Variants in PPM1E observed in about 807,000 individuals in gnomAD.
PPM1E encodes the protein protein phosphatase, Mg2+/Mn2+ dependent 1E.
Under a neutral mutation model 65.9 loss-of-function variants are expected in PPM1E, and 20 were observed. That is an observed-to-expected ratio of 0.30 (90% CI 0.21 to 0.44). The LOEUF is 0.44. Ranked by LOEUF, PPM1E falls within the 20% of genes least tolerant of loss-of-function variation. The probability of loss-of-function intolerance (pLI) is 1.00; values close to 1 mark genes in which losing one functional copy is unlikely to be tolerated. For missense variants in PPM1E, 713 were observed against 953.1 expected, an observed-to-expected ratio of 0.75 and a Z score of 3.32; for synonymous variants, 352 against 374.9, an observed-to-expected ratio of 0.94 and a Z score of 0.70.
chr17:58,895,526 G>A (rs1356962655), intron 1 of PPM1E, among the ~76,000 whole-genome samples: 1 of 152,062 alleles, frequency 6.6e-6, no homozygotes, highest in African/African-American at 2.4e-5. Flanking sequence ...AGTGAAACAG[G>A]CCCTGTGTGA....
chr17:58,976,110 C>T (rs770698972), intron 6 of PPM1E, among the ~76,000 whole-genome samples: 2 of 151,872 alleles, frequency 1.3e-5, no homozygotes, highest in African/African-American at 2.4e-5. Flanking sequence ...ATTTTTAGGA[C>T]GAGGAGATTT....
At chr17:58,956,967 G>T (rs185692999) in intron 2 of PPM1E, among the ~76,000 whole-genome samples, 46 of 152,268 alleles carry the variant, frequency 3.0e-4, no homozygotes, top group African/African-American at 1.0e-3. Context: ...TACTCTTCTT[G>T]TTTTTACTGA....
intron 1 of PPM1E, among the ~76,000 whole-genome samples, chr17:58,933,897 C>T (rs2051939732): frequency 6.6e-6 from 1 of 151,794 alleles, no homozygotes; most frequent in Non-Finnish European, 1.5e-5. Context: ...GAGTTCAAGA[C>T]CAGCCTGGCC....
chr17:58,871,374 C>A (rs1271718985), intron 1 of PPM1E, among the ~76,000 whole-genome samples: 1 of 152,156 alleles, frequency 6.6e-6, no homozygotes, highest in Admixed American at 6.6e-5. Context: ...TCCTGTAAGA[C>A]TGTTTCATGT....
intron 1 of PPM1E, among the ~76,000 whole-genome samples, chr17:58,873,564 A>G (rs1340576946): frequency 7.9e-6 from 1 of 127,086 alleles, no homozygotes; most frequent in Non-Finnish European, 1.6e-5. Context: ...AAATGCTCAT[A>G]GTATTATTAT....
At chr17:58,794,890 T>G (rs1026180228) in intron 1 of PPM1E, among the ~76,000 whole-genome samples, 8 of 80,592 alleles carry the variant, frequency 9.9e-5, no homozygotes, top group Non-Finnish European at 2.7e-4. Flanking sequence ...ACATGTGTCT[T>G]TTTTTTTTTT....
At chr17:58,871,774 G>A (rs1474658706) in intron 1 of PPM1E, among the ~76,000 whole-genome samples, 3 of 149,714 alleles carry the variant, frequency 2.0e-5, no homozygotes, top group East Asian at 3.9e-4. Context: ...CATGATCATC[G>A]ATACTGCACT....
Position 58,764,256 on chromosome 17 carries a change from T to G in PPM1E, c.464+7795T>G, listed in dbSNP as rs973287947. Reference sequence around the variant, plus strand: ...TGGCTACCATAACAAACAATTTTGTTTTAGATTTGCTATTTTTTAAAAAAA... The same window carrying G: ...TGGCTACCATAACAAACAATTTTGTGTTAGATTTGCTATTTTTTAAAAAAA... On this transcript the variant is annotated intron_variant, in intron 1 of 6. Coordinates refer to ENST00000308249, the MANE Select transcript of PPM1E (RefSeq NM_014906.5). Among the ~76,000 whole-genome samples, 89 of 152,230 alleles carry G rather than the reference T, an allele frequency of 5.8e-4. 1 individual carries two copies. Among genetic ancestry groups the G allele is most frequent in the Non-Finnish European group, 6.6e-4 (45 of 68,010 alleles).
At chr17:58,966,723 A>G (rs1335312734) in intron 3 of PPM1E, 1 of 153,242 alleles carries the variant, frequency 6.5e-6, no homozygotes, top group Non-Finnish European at 1.5e-5. Flanking sequence ...TGTTAATGCA[A>G]ACAAGTAGGT....
At chr17:58,942,272 G>A (rs2052083424) in intron 1 of PPM1E, among the ~76,000 whole-genome samples, 1 of 152,080 alleles carries the variant, frequency 6.6e-6, no homozygotes, top group South Asian at 2.1e-4. Context: ...TGTAGTCGTA[G>A]CTCCACAGGA....
rs2031396255 is a variant in PPM1E, at chr17:58,982,207, C to A, written c.*1176C>A. The A allele has an allele frequency of 6.6e-6, 1 of 152,620 alleles. No individual in the cohort carries two copies. Among genetic ancestry groups the A allele is most frequent in the Admixed American group, 6.5e-5 (1 of 15,278 alleles). 9.5% of individuals were successfully genotyped at this position (152,620 alleles called of 1,614,324 possible). A position where few individuals can be genotyped will look rare whatever the true frequency, so the allele number is the denominator to read the frequency against. On this transcript the variant is annotated 3_prime_UTR_variant, in exon 7 of 7. Transcript: ENST00000308249. ...TACATGTAGCTTCAGACTGCAGAGA[C>A]AGGACGTGTGCTTTTCATTTCAATA...
Position 58,982,935 on chromosome 17 carries a change from A to G in PPM1E, c.*1904A>G. On this transcript the variant is annotated 3_prime_UTR_variant, in exon 7 of 7. Transcript: ENST00000308249. The stretch of plus-strand genomic sequence containing the variant: ...AAATCAAATTATCTAAGAAAACAAG[A>G]AAACAAAGGCAGCAGACTATTGGTA... 6.4e-7 allele frequency: 1 copy of G among 1,574,112 alleles called. No individual in the cohort carries two copies.
At chr17:58,976,194 C>G (rs1445471010) in intron 6 of PPM1E, among the ~76,000 whole-genome samples, 1 of 151,992 alleles carries the variant, frequency 6.6e-6, no homozygotes, top group South Asian at 2.1e-4. Flanking sequence ...AGTAGAGAAG[C>G]CAGAGCAGCA....
rs536495521 is a variant in PPM1E, at chr17:58,868,464, T to A, written c.465-87185T>A. ...TAAGGTATTAGTGAGAAGAGGGAAG[T>A]TCCCTCTTTTGATTTCCTCAGGGCA... On this transcript the variant is annotated intron_variant, in intron 1 of 6. Transcript: ENST00000308249. Among the ~76,000 whole-genome samples the A allele has an allele frequency of 1.2e-4, 18 of 152,244 alleles. No individual in the cohort carries two copies. In the East Asian group the frequency reaches 2.7e-3, roughly 23 times the overall value.
At chr17:58,812,028 A>T (rs1009153272) in intron 1 of PPM1E, among the ~76,000 whole-genome samples, 9 of 152,278 alleles carry the variant, frequency 5.9e-5, no homozygotes, top group African/African-American at 2.2e-4. Context: ...TTAGCTAGAA[A>T]AGAAAAAAAA....
intron 1 of PPM1E, among the ~76,000 whole-genome samples, chr17:58,848,871 TG>T: frequency 6.6e-6 from 1 of 152,368 alleles, no homozygotes; most frequent in South Asian, 2.1e-4. Context: ...TTTGTAGCTC[TG>T]GTAGAATTCA....
intron 1 of PPM1E, among the ~76,000 whole-genome samples, chr17:58,840,828 A>T (rs983528228): frequency 6.6e-6 from 1 of 152,194 alleles, no homozygotes; most frequent in Non-Finnish European, 1.5e-5. Flanking sequence ...ATCAGTGGTA[A>T]AATAATTTGC....
intron 1 of PPM1E, among the ~76,000 whole-genome samples, chr17:58,873,497 G>A (rs2051093514): frequency 6.6e-6 from 1 of 151,684 alleles, no homozygotes; most frequent in South Asian, 2.1e-4. Context: ...TGGCAAACAG[G>A]ACAAGAGCTA....
rs1205695111 is a variant in PPM1E at position 58,756,055 on chromosome 17, G to C, written c.58G>C (p.Gly20Arg). Residue 20 changes from glycine (G) to arginine (R), a missense_variant, in exon 1 of 7, where the codon GGC (glycine) becomes CGC (arginine). Gly to Arg is a moderately radical substitution (Grantham distance 125). Around this residue, in one of 6 missense-constraint regions of PPM1E, gnomAD observed 212 missense variants for 204.0 expected, o/e 1.04. Transcript: ENST00000308249. ...CCGGCGCTTCCTGGAGCTATTCCTG[G>C]GCGAGTTTCGCGGACCGTGCGGCGG... is the stretch of plus-strand genomic sequence containing the variant. ...TYRRFLELFL[G>R]EFRGPCGGGE... 1 of 1,613,986 alleles carries C rather than the reference G, an allele frequency of 6.2e-7. No individual in the cohort carries two copies. The highest frequency in any genetic ancestry group is 8.5e-7 in the Non-Finnish European group (1 of 1,179,920).
Sources: gnomAD v4.1 joint callset for allele counts (sites outside exome capture counted in the v4.1 genomes callset) on GRCh38, gnomAD v4.1.1 for gene constraint, gnomAD v4.1.1 regional missense constraint, MANE v1.5 for transcripts, NCBI Gene and HGNC (gene_info 2026-07-23, HGNC 2026-07-21) for gene names.